Variants in ARL15 observed in about 807,000 individuals in gnomAD.
The protein encoded by ARL15 is ARF like GTPase 15, also known as ADP-ribosylation factor-like protein 15.
In ARL15, 19 loss-of-function variants were observed where a neutral mutation model predicts 25.2. That is an observed-to-expected ratio of 0.75 (90% CI 0.53 to 1.10). The LOEUF is 1.10. ARL15 is among the 50% of genes least tolerant of loss of function. The pLI, the probability that ARL15 is intolerant of heterozygous loss-of-function variation, is 0.00. For synonymous variants in ARL15, 94 were observed against 86.8 expected, an observed-to-expected ratio of 1.08 and a Z score of -0.46; for missense variants, 220 against 246.0, an observed-to-expected ratio of 0.89 and a Z score of 0.71.
At chr5:54,195,229 A>T (rs555491521) in intron 1 of ARL15, among the ~76,000 whole-genome samples, 7 of 152,302 alleles carry the variant, frequency 4.6e-5, no homozygotes, top group African/African-American at 1.7e-4. Flanking sequence ...TGGTCAATAT[A>T]TACCTGGGCA....
chr5:53,993,910 C>T (rs550587883), intron 4 of ARL15, among the ~76,000 whole-genome samples: 1 of 152,240 alleles, frequency 6.6e-6, no homozygotes, highest in South Asian at 2.1e-4. Context: ...AGTCACAGAA[C>T]CTTATTACCA....
At chr5:54,079,324 G>C (rs984960758) in intron 4 of ARL15, among the ~76,000 whole-genome samples, 2 of 152,078 alleles carry the variant, frequency 1.3e-5, no homozygotes, top group African/African-American at 4.8e-5. Context: ...TAACCACAGA[G>C]TAAAGAATTG....
At chr5:53,932,945 TC>T (rs1349885241) in intron 4 of ARL15, among the ~76,000 whole-genome samples, 1 of 152,154 alleles carries the variant, frequency 6.6e-6, no homozygotes, top group Non-Finnish European at 1.5e-5. Flanking sequence ...CTCAAATGTC[TC>T]CAAATTTACT....
At chr5:53,961,461 G>A (rs961373809) in intron 4 of ARL15, among the ~76,000 whole-genome samples, 6 of 128,172 alleles carry the variant, frequency 4.7e-5, no homozygotes, top group Non-Finnish European at 6.2e-5. Flanking sequence ...TAGTACTATC[G>A]CACTCCAGTC....
chr5:54,218,563 C>G (rs569725221), intron 1 of ARL15, among the ~76,000 whole-genome samples: 1 of 152,146 alleles, frequency 6.6e-6, no homozygotes, highest in East Asian at 1.9e-4. Context: ...TATTTGGGGT[C>G]ACTGTGGGTC....
chr5:54,141,852 C>G (rs1220818939), intron 3 of ARL15, among the ~76,000 whole-genome samples: 1 of 152,154 alleles, frequency 6.6e-6, no homozygotes, highest in Non-Finnish European at 1.5e-5. Flanking sequence ...TTCTTTCACT[C>G]AGCATAATTA....
intron 4 of ARL15, among the ~76,000 whole-genome samples, chr5:54,098,956 G>C (rs988343497): frequency 6.6e-6 from 1 of 152,100 alleles, no homozygotes; most frequent in Non-Finnish European, 1.5e-5. Context: ...GAGTTGGTGC[G>C]ACATACACTT....
chr5:54,264,566 T>A (rs951560266), intron 1 of ARL15, among the ~76,000 whole-genome samples: 9 of 152,142 alleles, frequency 5.9e-5, no homozygotes, highest in Non-Finnish European at 1.2e-4. Context: ...TGATCTGGCC[T>A]CTTATTTCCT....
chr5:53,972,284 A>G (rs1371284542), intron 4 of ARL15, among the ~76,000 whole-genome samples: 1 of 152,128 alleles, frequency 6.6e-6, no homozygotes, highest in Middle Eastern at 3.2e-3. Context: ...ATTGATAGTC[A>G]TTTTTCCTCC....
chr5:54,117,046 T>C (rs568158039), intron 3 of ARL15, among the ~76,000 whole-genome samples: 2 of 152,322 alleles, frequency 1.3e-5, no homozygotes, highest in African/African-American at 4.8e-5. Context: ...ATTCCATCCA[T>C]ACAAGTCTCT....
At chr5:54,109,784 C>T (rs747517212) in intron 4 of ARL15, among the ~76,000 whole-genome samples, 3 of 151,814 alleles carry the variant, frequency 2.0e-5, no homozygotes, top group Non-Finnish European at 4.4e-5. Context: ...AAATTTTTCT[C>T]GAATGCTTTC....
At chr5:54,000,628 T>C (rs1748822987) in intron 4 of ARL15, among the ~76,000 whole-genome samples, 1 of 152,206 alleles carries the variant, frequency 6.6e-6, no homozygotes, top group African/African-American at 2.4e-5. Flanking sequence ...AGTATCACTA[T>C]ATTTCTCCAA....
chr5:54,089,658 T>C (rs1054775291), intron 4 of ARL15, among the ~76,000 whole-genome samples: 1 of 152,184 alleles, frequency 6.6e-6, no homozygotes, highest in African/African-American at 2.4e-5. Flanking sequence ...TCAGGAACAC[T>C]TTCTGTCACC....
In ARL15 at chr5:53,883,968, T is replaced by C. The variant is rs1329033983; in HGVS notation, c.*2593A>G. On this transcript the variant is annotated 3_prime_UTR_variant, in exon 5 of 5. Transcript: ENST00000504924. Reference sequence around the variant, plus strand: ...AGTTCTACTCAGCGTTTATTTTTCATTTGAAGATAGTGGAAATCGTAGAAA... The same window carrying C: ...AGTTCTACTCAGCGTTTATTTTTCACTTGAAGATAGTGGAAATCGTAGAAA... 2 of 152,130 alleles carry C rather than the reference T, an allele frequency of 1.3e-5. No homozygotes were observed. Among genetic ancestry groups the C allele is most frequent in the East Asian group, 1.9e-4 (1 of 5,190 alleles). The allele number at this position is 152,130 out of a possible 1,614,324, so 9.4% of individuals were successfully genotyped here.
intron 1 of ARL15, among the ~76,000 whole-genome samples, chr5:54,276,453 C>T (rs139967791): frequency 2.0e-5 from 3 of 152,270 alleles, no homozygotes; most frequent in African/African-American, 7.2e-5. Context: ...TATATGATGA[C>T]AACATTCTAC....
intron 1 of ARL15, among the ~76,000 whole-genome samples, chr5:54,241,409 A>C (rs950505590): frequency 2.6e-5 from 4 of 152,186 alleles, no homozygotes; most frequent in African/African-American, 9.6e-5. Context: ...ACATAAGAAT[A>C]TTCTTTCTAA....
intron 1 of ARL15, among the ~76,000 whole-genome samples, chr5:54,202,900 T>G (rs1755762480): frequency 6.6e-6 from 1 of 152,138 alleles, no homozygotes; most frequent in Non-Finnish European, 1.5e-5. Context: ...AGATTTCTGA[T>G]GTGCCAGAAT....
intron 4 of ARL15, among the ~76,000 whole-genome samples, chr5:54,027,318 A>G (rs1359691235): frequency 6.6e-6 from 1 of 152,220 alleles, no homozygotes; most frequent in East Asian, 1.9e-4. Context: ...AAAAAATTAC[A>G]TCAAGTCTTG....
At position 53,985,533 on chromosome 5, in the gene ARL15, C is replaced by A. The variant is rs116240597; in HGVS notation, c.463-98820G>T. On this transcript the variant is annotated intron_variant, in intron 4 of 4. Coordinates refer to ENST00000504924, the MANE Select transcript of ARL15 (RefSeq NM_019087.3). ...TGTCTCTGTGATTTTGACTACTCTGCATTCTTGATTTAAGAGAATCACAAG... is the reference window on the plus strand; with the variant it reads ...TGTCTCTGTGATTTTGACTACTCTGAATTCTTGATTTAAGAGAATCACAAG... Among the ~76,000 whole-genome samples the A allele has an allele frequency of 2.9e-3, 448 of 152,300 alleles. 2 individuals are homozygous for A. Among genetic ancestry groups the A allele is most frequent in the African/African-American group, 0.01 (429 of 41,580 alleles).
Sources: gnomAD v4.1 joint callset for allele counts (sites outside exome capture counted in the v4.1 genomes callset) on GRCh38, gnomAD v4.1.1 for gene constraint, MANE v1.5 for transcripts, NCBI Gene and HGNC (gene_info 2026-07-23, HGNC 2026-07-21) for gene names.